The following AMBRA1 variants were observed in gnomAD, a reference collection of about 807,000 sequenced individuals.
AMBRA1 encodes the protein autophagy and beclin 1 regulator 1, also known as activating molecule in BECN1-regulated autophagy protein 1.
A neutral mutation model predicts 125.4 loss-of-function variants in AMBRA1; 47 were observed. That is an observed-to-expected ratio of 0.37 (90% confidence interval 0.30 to 0.48). The LOEUF (loss-of-function observed/expected upper bound fraction) is 0.48, where lower values mean the gene tolerates loss of function less well. AMBRA1 is among the 20% of genes least tolerant of loss of function. The pLI is 0.99. For synonymous variants in AMBRA1, 626 were observed against 655.5 expected (o/e 0.95, Z 0.69); for missense variants, 1,331 against 1,693.4 (o/e 0.79, Z 3.76).
At chr11:46,535,505 C>T (rs1227410002) in intron 7 of AMBRA1, among the ~76,000 whole-genome samples, 2 of 152,148 alleles carry the variant, frequency 1.3e-5, no homozygotes, top group Non-Finnish European at 2.9e-5. Flanking sequence ...ATGCCTTCCA[C>T]AGAAACTTAA....
chr11:46,592,996 A>G (rs2044661630), intron 1 of AMBRA1, among the ~76,000 whole-genome samples: 1 of 152,240 alleles, frequency 6.6e-6, no homozygotes, highest in Non-Finnish European at 1.5e-5. Context: ...GTAGACAACA[A>G]GGTTATCAGG....
intron 11 of AMBRA1, among the ~76,000 whole-genome samples, chr11:46,477,726 C>T (rs1434638777): frequency 6.6e-6 from 1 of 151,956 alleles, no homozygotes; most frequent in Non-Finnish European, 1.5e-5. Context: ...CAGCAGAGCC[C>T]CCAGCCCATC....
At chr11:46,512,540 G>A (rs966603138) in intron 8 of AMBRA1, among the ~76,000 whole-genome samples, 187 bp downstream of exon 8, 10 of 152,118 alleles carry the variant, frequency 6.6e-5, no homozygotes, top group African/African-American at 2.4e-4. Flanking sequence ...ATAACCCTCT[G>A]TCACCAGAGG....
At position 46,542,805 on chromosome 11, in the gene AMBRA1, A is replaced by G. The variant is rs1192687449; in HGVS notation, c.1212T>C (p.Ser404=). The G allele has an allele frequency of 6.2e-7, 1 of 1,613,974 alleles. No individual in the cohort carries two copies. Among genetic ancestry groups the G allele is most frequent in the Non-Finnish European group, 8.5e-7 (1 of 1,179,972 alleles). ...CAGGAGCTATTTCTCGGTGATACCT[A>G]GAAGGGTGGCTAGACAGAGGCCCTC... ...SLGGPLSSHP[S]RYHREIAPGL... is the part of the protein sequence containing the mutation. Residue 404 remains serine (S), a synonymous_variant, in exon 7 of 18, where the codon TCT becomes TCC. Transcript: ENST00000683756. The surrounding 1 kb of genome is among the most constrained non-coding windows in gnomAD (Gnocchi z 5.9).
Position 46,417,903 on chromosome 11 carries a change from A to C in AMBRA1, c.3116+10T>G. 1 of 1,600,058 alleles carries C rather than the reference A, an allele frequency of 6.2e-7. No homozygotes were observed. Among genetic ancestry groups the C allele is most frequent in the Non-Finnish European group, 8.5e-7 (1 of 1,170,092 alleles). On this transcript the variant is annotated intron_variant, in intron 15 of 17. Transcript: ENST00000683756. ...GTGATCCCTCAACCCCCACACTTTA[A>C]GCCACTTACTCTGGTCGGCAGATCA... is the stretch of plus-strand genomic sequence containing the variant.
intron 1 of AMBRA1, among the ~76,000 whole-genome samples, chr11:46,555,729 T>G (rs1009621341): frequency 6.6e-6 from 1 of 152,236 alleles, no homozygotes; most frequent in Non-Finnish European, 1.5e-5. Context: ...CTACATAGTT[T>G]AGTAAAGTGA....
In AMBRA1 at chr11:46,397,631, G is replaced by T; in HGVS notation, c.3716C>A (p.Pro1239His). The change falls in exon 18 of 18, where the codon CCT becomes CAT. Residue 1239 changes from proline (P) to histidine (H), a missense_variant. Around this residue, in one of 4 missense-constraint regions of AMBRA1, gnomAD observed 144 missense variants for 133.9 expected, o/e 1.08. Transcript: ENST00000683756. ...RTASWDQPGTPGREPTQPTLP... is the reference protein window; with the variant it reads ...RTASWDQPGTHGREPTQPTLP... ...GGTTGGCTGGGTTGGCTCCCGCCCAGGGGTACCAGGCTGGTCCCAGGAAGC... is the reference window on the plus strand; with the variant it reads ...GGTTGGCTGGGTTGGCTCCCGCCCATGGGTACCAGGCTGGTCCCAGGAAGC... 6.2e-7 allele frequency: 1 copy of T among 1,612,056 alleles called. No homozygotes were observed. The highest frequency in any genetic ancestry group is 8.5e-7 in the Non-Finnish European group (1 of 1,178,722).
intron 17 of AMBRA1, among the ~76,000 whole-genome samples, chr11:46,403,786 G>A (rs748070920): frequency 1.3e-4 from 20 of 152,138 alleles, no homozygotes; most frequent in Admixed American, 1.3e-3. Context: ...TATAGAACAA[G>A]AAAATGAGAA....
intron 1 of AMBRA1, among the ~76,000 whole-genome samples, chr11:46,567,313 C>A (rs1340251579): frequency 6.6e-6 from 1 of 151,962 alleles, no homozygotes; most frequent in Non-Finnish European, 1.5e-5. Flanking sequence ...CTCTGGAGAT[C>A]CACCCACCTC....
chr11:46,407,419 G>C (rs1946077016), intron 17 of AMBRA1, among the ~76,000 whole-genome samples: 1 of 152,124 alleles, frequency 6.6e-6, no homozygotes, highest in African/African-American at 2.4e-5. Context: ...ATGGACTCCA[G>C]AGCAGCTCAG....
intron 11 of AMBRA1, among the ~76,000 whole-genome samples, chr11:46,445,987 G>A (rs748841110): frequency 3.3e-5 from 5 of 152,190 alleles, no homozygotes; most frequent in Non-Finnish European, 7.4e-5. Flanking sequence ...ATCTGCAAAT[G>A]GGAACACAAA....
chr11:46,540,006 A>C (rs1294208741), intron 7 of AMBRA1, among the ~76,000 whole-genome samples: 1 of 151,970 alleles, frequency 6.6e-6, no homozygotes, highest in Non-Finnish European at 1.5e-5. Flanking sequence ...TAATTTTTGT[A>C]TTTTTAGTAG....
chr11:46,503,213 A>G (rs575501615), intron 9 of AMBRA1, among the ~76,000 whole-genome samples: 53 of 152,170 alleles, frequency 3.5e-4, no homozygotes, highest in African/African-American at 1.3e-3. Context: ...AAAGTGAGAG[A>G]TGTGCAACTC....
At chr11:46,493,540 G>T in intron 11 of AMBRA1, 68 bp downstream of exon 11, 2 of 1,278,962 alleles carry the variant, frequency 1.6e-6, no homozygotes, top group South Asian at 1.4e-5. Context: ...CATAGGTAAA[G>T]GAGGGAGAAG....
At position 46,417,940 on chromosome 11, in the gene AMBRA1, T is replaced by G. The variant is rs1344264569; in HGVS notation, c.3089A>C (p.Lys1030Thr). 20 of 1,610,830 alleles carry G rather than the reference T, an allele frequency of 1.2e-5. No homozygotes were observed. Among genetic ancestry groups the G allele is most frequent in the Non-Finnish European group, 1.3e-5 (15 of 1,177,798 alleles). Residue 1030 changes from lysine to threonine, a missense_variant, in exon 15 of 18, where the codon AAA becomes ACA. By Grantham distance (78) the Lys-to-Thr change is moderately conservative. Coordinates refer to ENST00000683756, the MANE Select transcript of AMBRA1 (RefSeq NM_001387011.1). ...PGLGLAYGTN[K>T]GDLVICRPEA... ...TGGTCGGCAGATCACCAGGTCTCCT[T>G]TGTTAGTACCATAGGCCAAGCCAAG...
chr11:46,557,183 C>T (rs1445391009), intron 1 of AMBRA1, among the ~76,000 whole-genome samples: 1 of 150,728 alleles, frequency 6.6e-6, no homozygotes, highest in East Asian at 2.0e-4. Flanking sequence ...TGCCTGTAGT[C>T]CCAGCTACTC....
chr11:46,399,809 C>A (rs73466036), intron 17 of AMBRA1, among the ~76,000 whole-genome samples: 9,782 of 152,244 alleles, frequency 0.064, 1,031 homozygotes, highest in African/African-American at 0.22. Context: ...AAAGAGTCAA[C>A]TGACCAGCAC....
intron 7 of AMBRA1, among the ~76,000 whole-genome samples, chr11:46,519,106 T>C (rs1951646716): frequency 6.6e-6 from 1 of 152,188 alleles, no homozygotes; most frequent in Non-Finnish European, 1.5e-5. Context: ...TAACTGCAAC[T>C]TCTGCTTCCT....
chr11:46,478,648 CTTTTTTT>C (rs11449187), intron 11 of AMBRA1, among the ~76,000 whole-genome samples: 6 of 82,168 alleles, frequency 7.3e-5, no homozygotes, highest in Admixed American at 5.5e-4. Context: ...TCTTTTTTCT[CTTTTTTT>C]TTTTTTTTTT....
Sources: gnomAD v4.1 joint callset for allele counts (sites outside exome capture counted in the v4.1 genomes callset) on GRCh38, gnomAD v4.1.1 for gene constraint, gnomAD v4.1.1 regional missense constraint, Gnocchi (gnomAD v3.1) non-coding constraint, MANE v1.5 for transcripts, NCBI Gene and HGNC (gene_info 2026-07-23, HGNC 2026-07-21) for gene names.